Variants in ZNF341 observed in about 807,000 individuals in gnomAD.
The protein encoded by ZNF341 is zinc finger protein 341.
A neutral mutation model predicts 87.7 loss-of-function variants in ZNF341; 52 were observed. The observed-to-expected ratio is 0.59, with a 90% CI of 0.47 to 0.75. The LOEUF (loss-of-function observed/expected upper bound fraction) is 0.75, where lower values mean the gene tolerates loss of function less well. ZNF341 is among the 30% of genes least tolerant of loss of function. ZNF341 has a pLI of 0.00. For synonymous variants in ZNF341, 459 were observed against 472.7 expected (o/e 0.97, Z 0.38); for missense variants, 977 against 1,145.9 (o/e 0.85, Z 2.13).
At chr20:33,752,292 G>A (rs1316241302) in intron 4 of ZNF341, 4 of 601,762 alleles carry the variant, frequency 6.6e-6, no homozygotes, top group African/African-American at 1.8e-5. Flanking sequence ...AACCGCACAC[G>A]GATGCAGTAT....
chr20:33,765,123 T>C (rs1320327068), intron 8 of ZNF341, among the ~76,000 whole-genome samples: 2 of 151,982 alleles, frequency 1.3e-5, no homozygotes, highest in African/African-American at 4.8e-5. Flanking sequence ...CCATCATGCC[T>C]GGTGCCACAT....
At chr20:33,754,362 A>G (rs2019128658) in intron 5 of ZNF341, among the ~76,000 whole-genome samples, 2 of 152,148 alleles carry the variant, frequency 1.3e-5, no homozygotes, top group Admixed American at 6.5e-5. Context: ...GCTAGAGGGT[A>G]TGGTTATGAC....
At position 33,746,040 on chromosome 20, in the gene ZNF341, C is replaced by T. The variant is rs570162387; in HGVS notation, c.339+741C>T. Among the ~76,000 whole-genome samples, 4 of 149,950 alleles carry T rather than the reference C, an allele frequency of 2.7e-5. No individual in the cohort carries two copies. The Admixed American group carries it at 2.7e-4, about 10-fold the overall frequency. On this transcript the variant is annotated intron_variant, in intron 3 of 14. Transcript: ENST00000375200. ...CCGCCTCCTGGGTTCACGCCATTCT[C>T]CTGCCTCAGCCTCCCAAGTAGCTGG...
At chr20:33,774,463 C>T (rs1431047058) in intron 10 of ZNF341, among the ~76,000 whole-genome samples, 2 of 152,094 alleles carry the variant, frequency 1.3e-5, no homozygotes, top group Non-Finnish European at 2.9e-5. Flanking sequence ...GGTGGATATC[C>T]TTTGGCATAT....
intron 11 of ZNF341, 47 bp downstream of exon 11, chr20:33,781,434 C>T: frequency 6.4e-7 from 1 of 1,559,140 alleles, no homozygotes; most frequent in Non-Finnish European, 8.8e-7. Context: ...ATAATAAGGG[C>T]AAGGAGGTGG....
intron 12 of ZNF341, among the ~76,000 whole-genome samples, chr20:33,785,714 C>A (rs933736464): frequency 2.0e-5 from 3 of 152,202 alleles, no homozygotes; most frequent in Non-Finnish European, 2.9e-5. Flanking sequence ...TAATTCTCTT[C>A]CCCAAAGGTA....
Position 33,753,235 on chromosome 20 carries a change from C to T in ZNF341, c.553C>T (p.Pro185Ser), listed in dbSNP as rs45577437. 3.6e-3 allele frequency: 5,830 copies of T among 1,611,952 alleles called. 28 individuals are homozygous for T. The highest frequency in any genetic ancestry group is 0.015 in the Middle Eastern group (67 of 4,616). Residue 185 changes from proline to serine, a missense_variant, in exon 5 of 15, where the codon CCT becomes TCT. Transcript: ENST00000375200. Reference protein sequence around the residue: ...LTQPPPPPPPPPPLPPPPPPQ... With the variant: ...LTQPPPPPPPSPPLPPPPPPQ... Reference sequence around the variant, plus strand: ...CCAGCCTCCACCTCCTCCTCCACCTCCTCCACCACTGCCCCCACCGCCACC... The same window carrying T: ...CCAGCCTCCACCTCCTCCTCCACCTTCTCCACCACTGCCCCCACCGCCACC...
chr20:33,784,269 C>A (rs1175534524), intron 12 of ZNF341, among the ~76,000 whole-genome samples: 1 of 24,804 alleles, frequency 4.0e-5, no homozygotes, highest in Admixed American at 3.7e-4. Flanking sequence ...CTCTCCCCCC[C>A]ATCTCCCTCA....
rs534585828 is a variant in ZNF341 at position 33,745,292 on chromosome 20, A to C, written c.332A>C (p.Asn111Thr). Residue 111 changes from asparagine (N) to threonine (T), a missense_variant, in exon 3 of 15, where the codon AAT (asparagine) becomes ACT (threonine). Transcript: ENST00000375200. ...TAVQQAPTPA[N>T]RQISTYITVP... ...GTCCAGCAGGCCCCAACTCCTGCCA[A>C]TCGCCAGGTATTTGTTCATTTATTC... 2.2e-5 allele frequency: 36 copies of C among 1,611,344 alleles called. No homozygotes were observed. Among genetic ancestry groups the C allele is most frequent in the Non-Finnish European group, 3.0e-5 (35 of 1,178,068 alleles).
rs539322157 is a variant in ZNF341 at position 33,757,231 on chromosome 20, A to G, written c.825A>G (p.Gly275=). 13 of 1,602,504 alleles carry G rather than the reference A, an allele frequency of 8.1e-6. No individual in the cohort carries two copies. The highest frequency in any genetic ancestry group is 1.0e-5 in the Non-Finnish European group (12 of 1,175,358). ...GCAAACAGGGATTCAAACCCAAAGG[A>G]CCAAACCCCGCCGCCCCCATGACCA... ...SPGKQGFKPK[G]PNPAAPMTSA... The change falls in exon 6 of 15, where the codon GGA becomes GGG. Residue 275 remains glycine, a synonymous_variant. Coordinates refer to ENST00000375200, the MANE Select transcript of ZNF341 (RefSeq NM_001282933.2).
chr20:33,739,456 C>T (rs182903050), intron 1 of ZNF341, among the ~76,000 whole-genome samples: 22 of 152,294 alleles, frequency 1.4e-4, no homozygotes, highest in Non-Finnish European at 2.6e-4. Context: ...GCCTGTCATC[C>T]GGCTAGTGAC....
intron 3 of ZNF341, among the ~76,000 whole-genome samples, chr20:33,746,483 C>T (rs1033392958): frequency 7.9e-5 from 12 of 152,034 alleles, no homozygotes; most frequent in Non-Finnish European, 1.8e-4. Context: ...CTCCCCGCCT[C>T]GGCCGCCCAA....
intron 11 of ZNF341, among the ~76,000 whole-genome samples, chr20:33,783,090 G>A (rs2019776128): frequency 6.6e-6 from 1 of 152,024 alleles, no homozygotes; most frequent in Non-Finnish European, 1.5e-5. Flanking sequence ...GGAGGCAGAG[G>A]TTGCAGTGAG....
intron 3 of ZNF341, among the ~76,000 whole-genome samples, chr20:33,746,165 G>A (rs1329918489): frequency 1.3e-5 from 2 of 150,506 alleles, no homozygotes; most frequent in Admixed American, 6.6e-5. Context: ...TCCTGACCTC[G>A]TGATCTGCCC....
At chr20:33,736,393 C>T (rs550597192) in intron 1 of ZNF341, among the ~76,000 whole-genome samples, 13 of 152,208 alleles carry the variant, frequency 8.5e-5, no homozygotes, top group Middle Eastern at 6.8e-3. Flanking sequence ...AAGCTAACTT[C>T]GGCAGAAATT....
At chr20:33,743,766 C>T (rs2018859433) in intron 2 of ZNF341, among the ~76,000 whole-genome samples, 1 of 152,238 alleles carries the variant, frequency 6.6e-6, no homozygotes, top group Non-Finnish European at 1.5e-5. Context: ...GGTAGGCCCT[C>T]AGCAATGGAT....
intron 3 of ZNF341, among the ~76,000 whole-genome samples, chr20:33,747,558 T>C (rs1407468620): frequency 1.7e-5 from 2 of 119,512 alleles, no homozygotes; most frequent in African/African-American, 6.9e-5. Flanking sequence ...GAGCTTGCAG[T>C]GAGCCGAGGT....
chr20:33,788,803 T>C, intron 12 of ZNF341, 60 bp from the exon 13 acceptor site: 1 of 1,461,806 alleles, frequency 6.8e-7, no homozygotes, highest in South Asian at 1.2e-5. Flanking sequence ...GCGGGGACCC[T>C]TGTGCCCTGG....
In ZNF341 at chr20:33,791,047, G is replaced by T; in HGVS notation, c.2095G>T (p.Ala699Ser). Residue 699 changes from alanine to serine, a missense_variant, in exon 15 of 15, where the codon GCC (alanine) becomes TCC (serine). Transcript: ENST00000375200. The part of the protein sequence containing the change: ...SKSFSRRAHL[A>S]EHQRAHTGNY... Reference sequence around the variant, plus strand: ...GTCCTTCAGCCGCCGTGCCCACCTCGCCGAGCATCAGCGCGCCCACACGGG... The same window carrying T: ...GTCCTTCAGCCGCCGTGCCCACCTCTCCGAGCATCAGCGCGCCCACACGGG... 2 of 1,613,504 alleles carry T rather than the reference G, an allele frequency of 1.2e-6. No homozygotes were observed. Among genetic ancestry groups the T allele is most frequent in the South Asian group, 2.2e-5 (2 of 91,070 alleles).
Sources: gnomAD v4.1 joint callset for allele counts (sites outside exome capture counted in the v4.1 genomes callset) on GRCh38, gnomAD v4.1.1 for gene constraint, MANE v1.5 for transcripts, NCBI Gene and HGNC (gene_info 2026-07-23, HGNC 2026-07-21) for gene names.